SARS1: variants seen among roughly 807,000 people sequenced by gnomAD.
The protein encoded by SARS1 is seryl-tRNA synthetase 1.
SARS1 carries 25 observed loss-of-function variants against 63.7 expected under a neutral mutation model. The observed-to-expected ratio is 0.39, with a 90% CI of 0.29 to 0.55. The LOEUF (loss-of-function observed/expected upper bound fraction) is 0.55, where lower values mean the gene tolerates loss of function less well. Ranked by LOEUF, SARS1 falls within the 20% of genes least tolerant of loss-of-function variation. The pLI, the probability that SARS1 is intolerant of heterozygous loss-of-function variation, is 0.62. For missense variants in SARS1, 417 were observed against 649.7 expected (o/e 0.64, Z 3.89); for synonymous variants, 231 against 243.5 (o/e 0.95, Z 0.48).
At chr1:109,222,014 T>A (rs1342212605) in intron 1 of SARS1, among the ~76,000 whole-genome samples, 14 of 52,006 alleles carry the variant, frequency 2.7e-4, no homozygotes, top group African/African-American at 1.6e-3. Flanking sequence ...ATATATATTT[T>A]TTTTTTTTTT....
chr1:109,225,743 G>A (rs894207333), intron 2 of SARS1, among the ~76,000 whole-genome samples: 14 of 152,146 alleles, frequency 9.2e-5, no homozygotes, highest in African/African-American at 3.1e-4. Flanking sequence ...TAAGGGAATC[G>A]GCTTAGGAAA....
chr1:109,229,982 C>T (rs1007541787), intron 4 of SARS1, among the ~76,000 whole-genome samples: 2 of 152,138 alleles, frequency 1.3e-5, no homozygotes, highest in African/African-American at 4.8e-5. Context: ...TGCTCTGAGC[C>T]CAGCCTTTGT....
chr1:109,234,723 T>C (rs1655275325), intron 6 of SARS1, among the ~76,000 whole-genome samples: 1 of 152,208 alleles, frequency 6.6e-6, no homozygotes, highest in African/African-American at 2.4e-5. Flanking sequence ...CCCAGCACTT[T>C]GGGAGGCTGA....
At chr1:109,233,348 C>T (rs1655245474) in intron 6 of SARS1, among the ~76,000 whole-genome samples, 1 of 152,024 alleles carries the variant, frequency 6.6e-6, no homozygotes, top group African/African-American at 2.4e-5. Flanking sequence ...CTGGCTATAC[C>T]ATATTAGGCT....
At position 109,214,439 on chromosome 1, in the gene SARS1, G is replaced by A; in HGVS notation, c.136+311G>A. 1 of 815,194 alleles carries A rather than the reference G, an allele frequency of 1.2e-6. No homozygotes were observed. Among genetic ancestry groups the A allele is most frequent in the Non-Finnish European group, 1.6e-6 (1 of 626,420 alleles). 50.5% of individuals were successfully genotyped at this position (815,194 alleles called of 1,614,324 possible). On this transcript the variant is annotated intron_variant, in intron 1 of 10. Transcript: ENST00000234677. The surrounding 1 kb of genome is among the most constrained non-coding windows in gnomAD (Gnocchi z 4.6). Reference sequence around the variant, plus strand: ...CCAGGGGTTGCCAGAACATGCCGGGGCGGGAGGTTGTGGGGTCTACGCGGC... The same window carrying A: ...CCAGGGGTTGCCAGAACATGCCGGGACGGGAGGTTGTGGGGTCTACGCGGC...
intron 1 of SARS1, chr1:109,215,829 C>A: frequency 8.6e-6 from 3 of 349,232 alleles, no homozygotes; most frequent in Non-Finnish European, 1.2e-5. Flanking sequence ...CCTCAGCCTC[C>A]AAGTAGCTGG....
At chr1:109,228,591 T>C (rs1457338234) in intron 3 of SARS1, among the ~76,000 whole-genome samples, 159 bp downstream of exon 3, 5 of 152,310 alleles carry the variant, frequency 3.3e-5, no homozygotes, top group South Asian at 2.1e-4. Context: ...TATTCTATAT[T>C]TGAGTATTTA....
In SARS1 at chr1:109,237,369, G is replaced by T. The variant is rs765322553; in HGVS notation, c.1383G>T (p.Pro461=). The T allele has an allele frequency of 8.7e-6, 14 of 1,614,060 alleles. No individual in the cohort carries two copies. In the African/African-American group the frequency reaches 1.7e-4, roughly 20 times the overall value. The change falls in exon 10 of 11, where the codon CCG becomes CCT. Residue 461 remains proline (P), a synonymous_variant. Transcript: ENST00000234677. The surrounding 1 kb of genome is among the most constrained non-coding windows in gnomAD (Gnocchi z 4.1). ...TVPEKLKEFM[P]PGLQELIPFV... ...CTGAGAAATTGAAGGAGTTCATGCCGCCAGGTAAAACTCCCAGCTCATCTC... is the reference window on the plus strand; with the variant it reads ...CTGAGAAATTGAAGGAGTTCATGCCTCCAGGTAAAACTCCCAGCTCATCTC...
intron 1 of SARS1, among the ~76,000 whole-genome samples, chr1:109,219,757 C>T (rs1456659583): frequency 6.6e-6 from 1 of 152,178 alleles, no homozygotes; most frequent in Non-Finnish European, 1.5e-5. Flanking sequence ...TTGTGATCCA[C>T]CCGCCTTGGC....
At chr1:109,234,550 G>A (rs760955077) in intron 6 of SARS1, among the ~76,000 whole-genome samples, 1 of 151,196 alleles carries the variant, frequency 6.6e-6, no homozygotes, top group Non-Finnish European at 1.5e-5. Context: ...GTCCCTTTTT[G>A]CTCCACATTG....
intron 1 of SARS1, chr1:109,216,293 C>G (rs1654783726): frequency 2.6e-5 from 26 of 985,324 alleles, no homozygotes; most frequent in Non-Finnish European, 3.0e-5. Flanking sequence ...AAGCCCTCCA[C>G]TACAACTATA....
At chr1:109,231,476 A>G (rs1341341873) in intron 5 of SARS1, 155 bp from the exon 6 acceptor site, 1 of 516,036 alleles carries the variant, frequency 1.9e-6, no homozygotes, top group African/African-American at 2.0e-5. Context: ...CAAGGTTCAG[A>G]ATGTCAGTTG....
intron 1 of SARS1, chr1:109,215,225 C>T (rs1570751374): frequency 3.0e-6 from 3 of 985,390 alleles, no homozygotes; most frequent in East Asian, 1.1e-4. Flanking sequence ...CCACACTTGA[C>T]CTGAAGTTTC....
chr1:109,226,677 A>AAATATATATAT (rs1178056468), intron 2 of SARS1, among the ~76,000 whole-genome samples: 21 of 44,936 alleles, frequency 4.7e-4, no homozygotes, highest in Non-Finnish European at 5.3e-4. Context: ...AAAAAAAAAA[A>AAATATATATAT]ATATATATAT....
At chr1:109,217,861 C>T (rs553966268) in intron 1 of SARS1, among the ~76,000 whole-genome samples, 3 of 152,050 alleles carry the variant, frequency 2.0e-5, no homozygotes, top group Admixed American at 2.0e-4. Context: ...CGCCCAGCCC[C>T]GAAATTATAT....
intron 1 of SARS1, chr1:109,216,446 T>C: frequency 1.0e-6 from 1 of 985,354 alleles, no homozygotes. Flanking sequence ...ATTTCTTCTT[T>C]TTAATTCAGA....
Position 109,237,471 on chromosome 1 carries a change from A to G in SARS1, c.1387+98A>G. Reference sequence around the variant, plus strand: ...CAGGATATACCAGGTTTTTTTGTTCAGACACAGCCCCTGAAACTCTGTCTG... The same window carrying G: ...CAGGATATACCAGGTTTTTTTGTTCGGACACAGCCCCTGAAACTCTGTCTG... On this transcript the variant is annotated intron_variant, in intron 10 of 10. Coordinates refer to ENST00000234677, the MANE Select transcript of SARS1 (RefSeq NM_006513.4). This position sits in a 1 kb window ranked among gnomAD's most constrained non-coding sequence, Gnocchi z 4.1. 10 of 1,546,672 alleles carry G rather than the reference A, an allele frequency of 6.5e-6. No individual in the cohort carries two copies. The highest frequency in any genetic ancestry group is 8.8e-6 in the Non-Finnish European group (10 of 1,132,450).
chr1:109,237,763 G>C lies in SARS1; in HGVS notation c.1420G>C (p.Ala474Pro). The change falls in exon 11 of 11, where the codon GCG (alanine) becomes CCG (proline). Residue 474 changes from alanine (A) to proline (P), a missense_variant. Physicochemically the swap from Ala to Pro is conservative, Grantham distance 27. This residue lies in a region of SARS1 where 43 missense variants were observed against 68.1 expected (regional missense o/e 0.63). Coordinates refer to ENST00000234677, the MANE Select transcript of SARS1 (RefSeq NM_006513.4). This position sits in a 1 kb window ranked among gnomAD's most constrained non-coding sequence, Gnocchi z 4.1. ...LQELIPFVKP[A>P]PIEQEPSKKQ... ...AGAACTGATCCCCTTTGTGAAGCCT[G>C]CGCCCATTGAGCAGGAGCCATCAAA... is the stretch of plus-strand genomic sequence containing the variant. 6.2e-7 allele frequency: 1 copy of C among 1,614,190 alleles called. No homozygotes were observed. Among genetic ancestry groups the C allele is most frequent in the Non-Finnish European group, 8.5e-7 (1 of 1,180,036 alleles).
chr1:109,229,589 C>A lies in SARS1; in HGVS notation c.447+17C>A, dbSNP rs754318735. On this transcript the variant is annotated intron_variant, in intron 4 of 10. Coordinates refer to ENST00000234677, the MANE Select transcript of SARS1 (RefSeq NM_006513.4). ...AACGATGAGGTAGGTGGCTGTGCCG[C>A]AGCAGGAGGCTGCCTTAGGTCGCTG... 2.3e-5 allele frequency: 37 copies of A among 1,604,836 alleles called. No individual in the cohort carries two copies. The highest frequency in any genetic ancestry group is 2.7e-5 in the Non-Finnish European group (32 of 1,174,748).
Sources: gnomAD v4.1 joint callset for allele counts (sites outside exome capture counted in the v4.1 genomes callset) on GRCh38, gnomAD v4.1.1 for gene constraint, gnomAD v4.1.1 regional missense constraint, Gnocchi (gnomAD v3.1) non-coding constraint, MANE v1.5 for transcripts, NCBI Gene and HGNC (gene_info 2026-07-23, HGNC 2026-07-21) for gene names.